The following PDE1A variants were observed in gnomAD, a reference collection of about 807,000 sequenced individuals.
PDE1A encodes dual specificity calcium/calmodulin-dependent 3',5'-cyclic nucleotide phosphodiesterase 1A.
In PDE1A, 35 loss-of-function variants were observed where a neutral mutation model predicts 61.7. That is an observed-to-expected ratio of 0.57 (90% confidence interval 0.43 to 0.75). The LOEUF is 0.75. Ranked by LOEUF, PDE1A falls within the 30% of genes least tolerant of loss-of-function variation. The pLI is 0.00. For missense variants in PDE1A, 597 were observed against 630.6 expected (o/e 0.95, Z 0.57); for synonymous variants, 232 against 213.2 (o/e 1.09, Z -0.77).
At chr2:182,576,515 G>C in the PDE1A span, among the ~76,000 whole-genome samples, 2 of 152,090 alleles carry the variant, frequency 1.3e-5, no homozygotes, top group Non-Finnish European at 2.9e-5. Context: ...TGAATATTGT[G>C]GCTATGAACA....
At chr2:182,633,593 G>C in the PDE1A span, among the ~76,000 whole-genome samples, 1 of 152,156 alleles carries the variant, frequency 6.6e-6, no homozygotes, top group African/African-American at 2.4e-5. Context: ...ATTTCTTCTA[G>C]CAGAAATAGG....
chr2:182,625,485 C>G, the PDE1A span, among the ~76,000 whole-genome samples: 8 of 152,302 alleles, frequency 5.3e-5, no homozygotes, highest in African/African-American at 1.7e-4. Context: ...GTTCAGGGCA[C>G]TTGCCTACAT....
At position 182,304,206 on chromosome 2, in the gene PDE1A, T is replaced by A. The variant is rs538775906; in HGVS notation, c.54-39792A>T. The stretch of plus-strand genomic sequence containing the variant: ...CGATGGCTTCTTTTCTTAATCCTCA[T>A]AAACCAGCCTCTGCTAGCTTCAAAA... On this transcript the variant is annotated intron_variant, in intron 1 of 13. Transcript: ENST00000351439. Among the ~76,000 whole-genome samples, 4 of 152,294 alleles carry A rather than the reference T, an allele frequency of 2.6e-5. No homozygotes were observed. In the South Asian group the frequency reaches 8.3e-4, roughly 32 times the overall value.
chr2:182,201,111 C>T (rs1384754346), intron 10 of PDE1A, among the ~76,000 whole-genome samples: 1 of 152,174 alleles, frequency 6.6e-6, no homozygotes, highest in Non-Finnish European at 1.5e-5. Flanking sequence ...TCCTTATCTA[C>T]TCTTTCTATT....
chr2:182,344,058 T>G (rs1698366154), intron 1 of PDE1A, among the ~76,000 whole-genome samples: 2 of 151,776 alleles, frequency 1.3e-5, no homozygotes, highest in Non-Finnish European at 1.5e-5. Flanking sequence ...TTTTTGTAGA[T>G]TCAAAGTCTC....
chr2:182,561,638 A>C, the PDE1A span, among the ~76,000 whole-genome samples: 1 of 152,164 alleles, frequency 6.6e-6, no homozygotes, highest in South Asian at 2.1e-4. Flanking sequence ...TCTATAAATT[A>C]CCTTGGGCAG....
intron 2 of PDE1A, among the ~76,000 whole-genome samples, chr2:182,248,872 C>T (rs1046183926): frequency 4.6e-5 from 7 of 152,186 alleles, no homozygotes; most frequent in Non-Finnish European, 7.4e-5. Flanking sequence ...ACATGTTTCA[C>T]GCAGCAACGA....
At chr2:182,707,637 T>G in the PDE1A span, among the ~76,000 whole-genome samples, 1 of 152,192 alleles carries the variant, frequency 6.6e-6, no homozygotes, top group African/African-American at 2.4e-5. Context: ...CATACATAAT[T>G]TTTAAGTCAT....
At chr2:182,541,334 T>G in the PDE1A span, among the ~76,000 whole-genome samples, 2 of 152,174 alleles carry the variant, frequency 1.3e-5, no homozygotes, top group Non-Finnish European at 2.9e-5. Flanking sequence ...CTCTCTATAT[T>G]CCAGTTTCTT....
the PDE1A span, among the ~76,000 whole-genome samples, chr2:182,551,114 TA>T: frequency 6.6e-6 from 1 of 151,182 alleles, no homozygotes; most frequent in Non-Finnish European, 1.5e-5. Flanking sequence ...AACAAATGAC[TA>T]GAAAGAGGCA....
intron 2 of PDE1A, among the ~76,000 whole-genome samples, chr2:182,498,654 T>C (rs996531355): frequency 6.6e-6 from 1 of 152,048 alleles, no homozygotes; most frequent in South Asian, 2.1e-4. Flanking sequence ...AGTATCAAAA[T>C]TACCCTAAGG....
intron 1 of PDE1A, among the ~76,000 whole-genome samples, chr2:182,346,370 A>G (rs529901166): frequency 6.6e-6 from 1 of 152,338 alleles, no homozygotes; most frequent in Non-Finnish European, 1.5e-5. Context: ...CGGTAGAACT[A>G]AAATTTCCAT....
At chr2:182,471,663 GAA>G (rs1687037109) in intron 2 of PDE1A, among the ~76,000 whole-genome samples, 1 of 151,622 alleles carries the variant, frequency 6.6e-6, no homozygotes, top group Non-Finnish European at 1.5e-5. Context: ...TTTTTTTGTA[GAA>G]AAGTTTCTTG....
At chr2:182,236,136 CAT>C (rs1689991475) in intron 3 of PDE1A, among the ~76,000 whole-genome samples, 1 of 152,082 alleles carries the variant, frequency 6.6e-6, no homozygotes, top group South Asian at 2.1e-4. Context: ...TTTAAATAGT[CAT>C]AAATTATTTT....
the PDE1A span, among the ~76,000 whole-genome samples, chr2:182,583,078 G>C: frequency 3.3e-5 from 5 of 152,080 alleles, no homozygotes; most frequent in African/African-American, 1.2e-4. Flanking sequence ...ATAAATCCAG[G>C]AGAACAAAGA....
the PDE1A span, among the ~76,000 whole-genome samples, chr2:182,547,419 C>T: frequency 2.0e-5 from 3 of 152,196 alleles, no homozygotes; most frequent in Non-Finnish European, 2.9e-5. Context: ...TTATGCCTTC[C>T]TGCCTTTGAT....
At chr2:182,308,711 A>T (rs1388005591) in intron 1 of PDE1A, among the ~76,000 whole-genome samples, 1 of 152,092 alleles carries the variant, frequency 6.6e-6, no homozygotes, top group Non-Finnish European at 1.5e-5. Context: ...TCTTTTTTAC[A>T]GATACAATGT....
chr2:182,143,678 G>C (rs1425035220), downstream of PDE1A, among the ~76,000 whole-genome samples: 1 of 151,982 alleles, frequency 6.6e-6, no homozygotes, highest in East Asian at 1.9e-4. Context: ...ACTACGCCCG[G>C]CTAACTGTTT....
chr2:182,305,468 A>G (rs187522427), intron 1 of PDE1A, among the ~76,000 whole-genome samples: 1 of 152,280 alleles, frequency 6.6e-6, no homozygotes, highest in Non-Finnish European at 1.5e-5. Context: ...TAGCTCATGA[A>G]CTATAGTTTG....
Sources: gnomAD v4.1 joint callset for allele counts (sites outside exome capture counted in the v4.1 genomes callset) on GRCh38, gnomAD v4.1.1 for gene constraint, MANE v1.5 for transcripts, NCBI Gene and HGNC (gene_info 2026-07-23, HGNC 2026-07-21) for gene names.